Variants in GLDC observed in about 807,000 individuals in gnomAD.
The protein encoded by GLDC is glycine dehydrogenase (decarboxylating), mitochondrial.
GLDC carries 104 observed loss-of-function variants against 121.3 expected under a neutral mutation model. The observed-to-expected ratio is 0.86, with a 90% CI of 0.73 to 1.01. GLDC has a LOEUF of 1.01. GLDC is among the 50% of genes least tolerant of loss of function. The pLI is 0.00. For synonymous variants in GLDC, 546 were observed against 480.6 expected (o/e 1.14, Z -1.78); for missense variants, 1,429 against 1,306.6 (o/e 1.09, Z -1.44).
intron 2 of GLDC, among the ~76,000 whole-genome samples, chr9:6,638,598 C>T (rs1246600570): frequency 3.3e-5 from 5 of 152,142 alleles, no homozygotes; most frequent in Non-Finnish European, 7.4e-5. Flanking sequence ...TTTCTGAACG[C>T]TCATGACATT....
At chr9:6,549,208 T>C (rs1817458017) in intron 21 of GLDC, among the ~76,000 whole-genome samples, 1 of 152,234 alleles carries the variant, frequency 6.6e-6, no homozygotes, top group African/African-American at 2.4e-5. Context: ...CTTTACAGTG[T>C]CTCTCCTTAT....
chr9:6,643,389 C>T (rs1159412521), intron 2 of GLDC, among the ~76,000 whole-genome samples: 1 of 150,734 alleles, frequency 6.6e-6, no homozygotes, highest in East Asian at 1.9e-4. Flanking sequence ...CAAATGTCCA[C>T]CTTCAAACAA....
At chr9:6,600,446 G>C (rs896111962) in intron 8 of GLDC, among the ~76,000 whole-genome samples, 1 of 151,858 alleles carries the variant, frequency 6.6e-6, no homozygotes, top group Non-Finnish European at 1.5e-5. Context: ...GGAGGCCCAG[G>C]CAGGACCATC....
intron 15 of GLDC, among the ~76,000 whole-genome samples, chr9:6,572,356 G>A (rs1222869169): frequency 3.9e-5 from 6 of 152,190 alleles, no homozygotes; most frequent in Non-Finnish European, 5.9e-5. Context: ...TTAAAAGTAC[G>A]AAGGAGGGTT....
intron 16 of GLDC, among the ~76,000 whole-genome samples, chr9:6,561,651 G>A (rs548620356): frequency 1.8e-5 from 2 of 112,570 alleles, no homozygotes; most frequent in South Asian, 2.4e-4. Flanking sequence ...TCTCTCTTGG[G>A]GGAAAAAAAT....
At chr9:6,581,122 C>T (rs1818163252) in intron 15 of GLDC, among the ~76,000 whole-genome samples, 1 of 152,160 alleles carries the variant, frequency 6.6e-6, no homozygotes, top group African/African-American at 2.4e-5. Context: ...TTAAGGCCCC[C>T]GGGGTGAAGC....
chr9:6,567,862 G>A (rs1817882504), intron 15 of GLDC, among the ~76,000 whole-genome samples: 1 of 152,196 alleles, frequency 6.6e-6, no homozygotes, highest in African/African-American at 2.4e-5. Context: ...AATTCTCAGA[G>A]TTCTGTATAT....
At chr9:6,544,879 C>A (rs1035358951) in intron 21 of GLDC, among the ~76,000 whole-genome samples, 10 of 152,030 alleles carry the variant, frequency 6.6e-5, no homozygotes, top group African/African-American at 2.4e-4. Context: ...GTGGGTGGAT[C>A]ACCTGAGGTC....
At chr9:6,635,246 C>A (rs949246043) in intron 2 of GLDC, among the ~76,000 whole-genome samples, 1 of 152,212 alleles carries the variant, frequency 6.6e-6, no homozygotes, top group Non-Finnish European at 1.5e-5. Flanking sequence ...AGTATCTTAT[C>A]TTCTACATCT....
At chr9:6,583,324 C>A (rs910717150) in intron 15 of GLDC, among the ~76,000 whole-genome samples, 1 of 152,022 alleles carries the variant, frequency 6.6e-6, no homozygotes, top group Non-Finnish European at 1.5e-5. Flanking sequence ...AAGTGTCCCT[C>A]AATTGATGAA....
At chr9:6,611,219 A>G in intron 3 of GLDC, among the ~76,000 whole-genome samples, 1 of 152,210 alleles carries the variant, frequency 6.6e-6, no homozygotes, top group South Asian at 2.1e-4. Flanking sequence ...ATCTCCTTCA[A>G]TTATTAGCCA....
In GLDC at chr9:6,595,230, C is replaced by A. The variant is rs1298606043; in HGVS notation, c.1156-111G>T. ...GAAGACAGCGACAAAACAAAATGAT[C>A]AGATTTCCTACATTCTTTGATAGTT... On this transcript the variant is annotated intron_variant, in intron 8 of 24. Coordinates refer to ENST00000321612, the MANE Select transcript of GLDC (RefSeq NM_000170.3). 6 of 798,462 alleles carry A rather than the reference C, an allele frequency of 7.5e-6. No individual in the cohort carries two copies. In the Admixed American group the frequency reaches 1.1e-4, roughly 14 times the overall value. The allele number at this position is 798,462 out of a possible 1,614,324, so 49.5% of individuals were successfully genotyped here. A position where few individuals can be genotyped will look rare whatever the true frequency, so the allele number is the denominator to read the frequency against.
At chr9:6,538,277 A>C (rs1373478304) in intron 22 of GLDC, among the ~76,000 whole-genome samples, 1 of 152,190 alleles carries the variant, frequency 6.6e-6, no homozygotes, top group Non-Finnish European at 1.5e-5. Flanking sequence ...CTGATTCAGG[A>C]AGTCCAAGGT....
At chr9:6,535,704 C>G (rs1336848710) in intron 23 of GLDC, among the ~76,000 whole-genome samples, 1 of 152,212 alleles carries the variant, frequency 6.6e-6, no homozygotes, top group African/African-American at 2.4e-5. Flanking sequence ...ATCCAGTTTT[C>G]TCAGAGATAA....
intron 2 of GLDC, among the ~76,000 whole-genome samples, chr9:6,632,714 G>T (rs1024933762): frequency 5.3e-5 from 8 of 152,320 alleles, no homozygotes; most frequent in African/African-American, 1.9e-4. Flanking sequence ...AGCCTCCTGA[G>T]GCGGGTCACT....
At chr9:6,578,761 G>A (rs946793584) in intron 15 of GLDC, among the ~76,000 whole-genome samples, 4 of 152,054 alleles carry the variant, frequency 2.6e-5, no homozygotes, top group Non-Finnish European at 5.9e-5. Flanking sequence ...TTGAACTCCT[G>A]GGATCAAGTG....
rs998158526 is a variant in GLDC, at chr9:6,605,157, G to T, written c.835C>A (p.Leu279Ile). 67 of 1,612,944 alleles carry T rather than the reference G, an allele frequency of 4.2e-5. No individual in the cohort carries two copies. The highest frequency in any genetic ancestry group is 5.4e-5 in the Non-Finnish European group (64 of 1,179,956). ...TEGKVEDFTE[L>I]VERAHQSGSL... The stretch of plus-strand genomic sequence containing the variant: ...CCACTCTGATGAGCTCTCTCCACGA[G>T]TTCCGTAAAGTCTTCCACCTTCCCC... The change falls in exon 6 of 25, where the codon CTC becomes ATC. Residue 279 changes from leucine (L) to isoleucine (I), a missense_variant. By Grantham distance (5) the Leu-to-Ile change is conservative. Transcript: ENST00000321612.
chr9:6,559,689 C>T (rs1269835441), intron 16 of GLDC, among the ~76,000 whole-genome samples: 1 of 151,166 alleles, frequency 6.6e-6, no homozygotes, highest in Non-Finnish European at 1.5e-5. Context: ...GTGACGCACG[C>T]CTGTAGTCCC....
intron 2 of GLDC, among the ~76,000 whole-genome samples, chr9:6,620,709 C>T (rs951137625): frequency 1.3e-5 from 2 of 152,152 alleles, no homozygotes; most frequent in Non-Finnish European, 2.9e-5. Flanking sequence ...TCTAAACTGC[C>T]TCATACTCTC....
Sources: gnomAD v4.1 joint callset for allele counts (sites outside exome capture counted in the v4.1 genomes callset) on GRCh38, gnomAD v4.1.1 for gene constraint, MANE v1.5 for transcripts, NCBI Gene and HGNC (gene_info 2026-07-23, HGNC 2026-07-21) for gene names.